SIMC1: variants seen among roughly 807,000 people sequenced by gnomAD.
SIMC1 encodes SUMO interacting motifs containing 1, also known as SUMO-interacting motif-containing protein 1.
A neutral mutation model predicts 82.3 loss-of-function variants in SIMC1; 55 were observed. The observed-to-expected ratio is 0.67, with a 90% confidence interval of 0.54 to 0.84. SIMC1 has a LOEUF of 0.84. Ranked by LOEUF, SIMC1 falls within the 40% of genes least tolerant of loss-of-function variation. The pLI is 0.00. For missense variants in SIMC1, 915 were observed against 1,107.2 expected, an observed-to-expected ratio of 0.83 and a Z score of 2.46; for synonymous variants, 353 against 426.3, an observed-to-expected ratio of 0.83 and a Z score of 2.12.
chr5:176,299,454 A>T (rs1763952116), intron 4 of SIMC1, among the ~76,000 whole-genome samples: 1 of 152,182 alleles, frequency 6.6e-6, no homozygotes. Context: ...GATATTCCTC[A>T]CAACTGGTAA....
chr5:176,342,339 C>G (rs1439850007), intron 9 of SIMC1, among the ~76,000 whole-genome samples: 1 of 152,096 alleles, frequency 6.6e-6, no homozygotes, highest in Non-Finnish European at 1.5e-5. Flanking sequence ...TGTGGCCTAC[C>G]CTACCTTCCA....
chr5:176,286,650 A>G (rs1255553437), intron 1 of SIMC1, among the ~76,000 whole-genome samples: 4 of 152,390 alleles, frequency 2.6e-5, no homozygotes, highest in African/African-American at 9.6e-5. Flanking sequence ...ATCTAATTAA[A>G]GAGCTTCTGC....
chr5:176,286,016 C>T (rs1463736984), intron 1 of SIMC1, among the ~76,000 whole-genome samples: 1 of 152,214 alleles, frequency 6.6e-6, no homozygotes, highest in Non-Finnish European at 1.5e-5. Context: ...ACATTCCATG[C>T]TCATGGATAG....
chr5:176,295,409 A>T (rs1164486546), intron 3 of SIMC1, 147 bp downstream of exon 3: 6 of 1,388,610 alleles, frequency 4.3e-6, no homozygotes, highest in Non-Finnish European at 5.8e-6. Context: ...ATGATAGGAA[A>T]CCCAGTCCAA....
chr5:176,311,194 A>G (rs1159800584), intron 4 of SIMC1, among the ~76,000 whole-genome samples: 3 of 152,176 alleles, frequency 2.0e-5, no homozygotes, highest in Non-Finnish European at 4.4e-5. Flanking sequence ...ATTGAATTGT[A>G]CTTTTAAAAT....
chr5:176,283,328 G>T (rs1457310976), intron 1 of SIMC1, among the ~76,000 whole-genome samples: 1 of 152,212 alleles, frequency 6.6e-6, no homozygotes, highest in African/African-American at 2.4e-5. Context: ...CTAATCTCTT[G>T]GCAGAAACTC....
chr5:176,243,418 G>A (rs548083869), intron 1 of SIMC1, among the ~76,000 whole-genome samples: 1 of 152,118 alleles, frequency 6.6e-6, no homozygotes, highest in East Asian at 1.9e-4. Flanking sequence ...AGGTAGGTTA[G>A]GTTATAGGGC....
chr5:176,272,152 G>A (rs1762464737), intron 1 of SIMC1, among the ~76,000 whole-genome samples: 1 of 115,478 alleles, frequency 8.7e-6, no homozygotes, highest in African/African-American at 3.4e-5. Context: ...AGACCAGTCT[G>A]TAGTGACATC....
intron 4 of SIMC1, chr5:176,308,868 C>T (rs1288179788): frequency 1.7e-5 from 23 of 1,328,926 alleles, no homozygotes; most frequent in Middle Eastern, 1.8e-4. Context: ...TCAGTGTTTA[C>T]CAAGAATCTG....
rs185307556 is a variant in SIMC1, at chr5:176,321,559, G to A, written c.1890-714G>A. Among the ~76,000 whole-genome samples the A allele has an allele frequency of 4.8e-3, 729 of 152,000 alleles. 9 individuals carry two copies. Among genetic ancestry groups the A allele is most frequent in the African/African-American group, 0.016 (666 of 41,448 alleles). The stretch of plus-strand genomic sequence containing the variant: ...GGGGTTTTAGGAGGAAACAAAATTC[G>A]GTGTGTATATTAAATCTACTATTTT... On this transcript the variant is annotated intron_variant, in intron 5 of 9. Transcript: ENST00000429602.
intron 8 of SIMC1, 92 bp from the exon 9 acceptor site, chr5:176,336,970 G>A: frequency 1.3e-6 from 2 of 1,599,560 alleles, no homozygotes; most frequent in Non-Finnish European, 1.7e-6. Context: ...AAACACAACT[G>A]TTTGAGCATT....
chr5:176,295,145 C>T lies in SIMC1; in HGVS notation c.1547C>T (p.Pro516Leu), dbSNP rs767632717. Residue 516 changes from proline to leucine, a missense_variant, in exon 3 of 10, where the codon CCC becomes CTC. Pro to Leu is a moderately conservative substitution (Grantham distance 98, BLOSUM62 -3). Transcript: ENST00000429602. ...TVQFLMDFVS[P>L]QHYPPREIVA... Reference sequence around the variant, plus strand: ...CAGTTTTTGATGGACTTTGTGTCACCCCAGCATTACCCACCAAGAGAAATC... The same window carrying T: ...CAGTTTTTGATGGACTTTGTGTCACTCCAGCATTACCCACCAAGAGAAATC... 1.6e-5 allele frequency: 26 copies of T among 1,613,230 alleles called. No homozygotes were observed. In the African/African-American group the frequency reaches 2.7e-4, roughly 17 times the overall value.
intron 7 of SIMC1, among the ~76,000 whole-genome samples, chr5:176,331,905 G>A (rs1222500199): frequency 1.3e-5 from 2 of 151,842 alleles, no homozygotes; most frequent in Non-Finnish European, 2.9e-5. Flanking sequence ...GGAGGCCGAG[G>A]CTGCAGTGAG....
intron 4 of SIMC1, among the ~76,000 whole-genome samples, chr5:176,304,874 C>T (rs558324214): frequency 2.0e-4 from 30 of 147,068 alleles, no homozygotes; most frequent in African/African-American, 6.3e-4. Flanking sequence ...TCTGCCTGGC[C>T]GAGACCCCGT....
chr5:176,252,788 C>T (rs1182731193), intron 1 of SIMC1, among the ~76,000 whole-genome samples: 6 of 152,310 alleles, frequency 3.9e-5, no homozygotes, highest in Non-Finnish European at 2.9e-5. Flanking sequence ...CCAAGGCAGG[C>T]GGCTGGGAGG....
At chr5:176,291,423 G>A (rs1367637012) in intron 2 of SIMC1, among the ~76,000 whole-genome samples, 3 of 140,802 alleles carry the variant, frequency 2.1e-5, no homozygotes, top group African/African-American at 5.3e-5. Flanking sequence ...TGCAAGCTCC[G>A]CCTCCCGGGT....
At chr5:176,344,468 TACACACACAC>T (rs57991528) in intron 9 of SIMC1, among the ~76,000 whole-genome samples, 119 of 146,646 alleles carry the variant, frequency 8.1e-4, no homozygotes, top group Middle Eastern at 7.0e-3. Context: ...GTCAGGAGTA[TACACACACAC>T]ACACACACAC....
intron 1 of SIMC1, among the ~76,000 whole-genome samples, chr5:176,244,343 T>G (rs2113099906): frequency 7.8e-6 from 1 of 127,412 alleles, no homozygotes; most frequent in East Asian, 2.3e-4. Flanking sequence ...ACGATGCCTG[T>G]GGAATAGCCA....
intron 5 of SIMC1, among the ~76,000 whole-genome samples, chr5:176,317,618 T>C (rs1459511430): frequency 6.6e-6 from 1 of 152,194 alleles, no homozygotes; most frequent in Non-Finnish European, 1.5e-5. Flanking sequence ...TAATATATTA[T>C]AATTTTTATA....
Sources: allele counts gnomAD v4.1 joint callset (sites outside exome capture counted in the v4.1 genomes callset), GRCh38; gene constraint gnomAD v4.1.1; transcripts MANE v1.5; gene names NCBI Gene and HGNC (gene_info 2026-07-23, HGNC 2026-07-21).